ASTN2: variants seen among roughly 807,000 people sequenced by gnomAD.
The protein encoded by ASTN2 is astrotactin-2.
A neutral mutation model predicts 139.8 loss-of-function variants in ASTN2; 54 were observed. The observed-to-expected ratio is 0.39, with a 90% CI of 0.31 to 0.48. ASTN2 has a LOEUF of 0.48. Among genes scored for constraint, ASTN2 ranks in the 20% least tolerant of loss-of-function variants. The probability of loss-of-function intolerance (pLI) is 0.95; values close to 1 mark genes in which losing one functional copy is unlikely to be tolerated. For synonymous variants in ASTN2, 756 were observed against 719.5 expected (o/e 1.05, Z -0.81); for missense variants, 1,565 against 1,725.1 (o/e 0.91, Z 1.64).
At chr9:117,141,058 A>G (rs1830063070) in intron 4 of ASTN2, among the ~76,000 whole-genome samples, 1 of 152,144 alleles carries the variant, frequency 6.6e-6, no homozygotes, top group Non-Finnish European at 1.5e-5. Context: ...GGTGCTACAC[A>G]CTTTCCATAT....
chr9:117,282,627 CG>C (rs1834352767), intron 2 of ASTN2, among the ~76,000 whole-genome samples: 1 of 137,862 alleles, frequency 7.3e-6, no homozygotes, highest in African/African-American at 3.6e-5. Flanking sequence ...GTGCTTTGGC[CG>C]ATAGAATGTG....
At chr9:116,547,386 G>A (rs1390635759) in intron 19 of ASTN2, 1 of 152,188 alleles carries the variant, frequency 6.6e-6, no homozygotes, top group Non-Finnish European at 1.5e-5. Flanking sequence ...CAATTAAACT[G>A]TCTAAAGTCA....
chr9:117,237,328 GC>G (rs1833075192), intron 2 of ASTN2, among the ~76,000 whole-genome samples: 2 of 152,120 alleles, frequency 1.3e-5, no homozygotes, highest in African/African-American at 4.8e-5. Context: ...CTGAGTTCTT[GC>G]CCTCCGGCCC....
Position 117,400,077 on chromosome 9 carries a change from T to C in ASTN2, c.442+14420A>G, listed in dbSNP as rs561383697. ...GCAAACCAGACTGGATGATTTCTCC[T>C]CTCTCTTGGAGTAGCCTATGCAGCC... On this transcript the variant is annotated intron_variant, in intron 1 of 22. Transcript: ENST00000313400. Among the ~76,000 whole-genome samples, 16 of 152,356 alleles carry C rather than the reference T, an allele frequency of 1.1e-4. No individual in the cohort carries two copies. In the South Asian group the frequency reaches 3.1e-3, roughly 30 times the overall value.
At chr9:116,850,813 T>C (rs1832577189) in intron 11 of ASTN2, among the ~76,000 whole-genome samples, 1 of 152,068 alleles carries the variant, frequency 6.6e-6, no homozygotes, top group Non-Finnish European at 1.5e-5. Context: ...GTGCCAAAGA[T>C]TCAAAAGAGA....
chr9:116,766,838 C>A (rs1829823803), intron 13 of ASTN2, among the ~76,000 whole-genome samples: 1 of 151,790 alleles, frequency 6.6e-6, no homozygotes, highest in Admixed American at 6.6e-5. Context: ...AGTCACCTCA[C>A]ACACAAACAC....
At chr9:117,027,821 G>A (rs891069033) in intron 6 of ASTN2, among the ~76,000 whole-genome samples, 1 of 152,152 alleles carries the variant, frequency 6.6e-6, no homozygotes, top group Non-Finnish European at 1.5e-5. Context: ...ATCCCTGTGA[G>A]GGTGTGATTG....
intron 18 of ASTN2, among the ~76,000 whole-genome samples, chr9:116,619,060 T>G (rs941528336): frequency 6.6e-6 from 1 of 152,128 alleles, no homozygotes; most frequent in African/African-American, 2.4e-5. Flanking sequence ...GGAAACAGTT[T>G]GCACAAGGTC....
chr9:117,114,101 C>T (rs1829317321), intron 4 of ASTN2, among the ~76,000 whole-genome samples: 1 of 150,660 alleles, frequency 6.6e-6, no homozygotes, highest in Non-Finnish European at 1.5e-5. Context: ...GGATGAGGTA[C>T]AGAACATTTT....
intron 1 of ASTN2, among the ~76,000 whole-genome samples, chr9:117,298,719 TGTGTG>T (rs1834801971): frequency 6.9e-6 from 1 of 145,102 alleles, no homozygotes; most frequent in Non-Finnish European, 1.5e-5. Context: ...TGTGTGTGTG[TGTGTG>T]TGTGTGTGTA....
intron 13 of ASTN2, among the ~76,000 whole-genome samples, chr9:116,779,504 T>A (rs1334989012): frequency 1.3e-5 from 2 of 149,240 alleles, no homozygotes; most frequent in Non-Finnish European, 1.5e-5. Flanking sequence ...CTCAGATATT[T>A]TTTTTTTTTA....
At chr9:117,328,259 T>C (rs1326432962) in intron 1 of ASTN2, among the ~76,000 whole-genome samples, 1 of 152,090 alleles carries the variant, frequency 6.6e-6, no homozygotes, top group Non-Finnish European at 1.5e-5. Context: ...GTTGCACGCA[T>C]ACACACTAAA....
At position 116,903,482 on chromosome 9, in the gene ASTN2, G is replaced by A. The variant is rs138480458; in HGVS notation, c.1890-39749C>T. 6.9e-3 allele frequency among the ~76,000 whole-genome samples: 1,053 copies of A among 152,270 alleles called. 6 individuals are homozygous for A. Among genetic ancestry groups the A allele is most frequent in the Middle Eastern group, 0.014 (4 of 292 alleles). ...TTGCAATGTGACCTTGAGTGTTAGG[G>A]TCTCTTAAGAAATGGAAATGACCCA... On this transcript the variant is annotated intron_variant, in intron 10 of 22. Coordinates refer to ENST00000313400, the MANE Select transcript of ASTN2 (RefSeq NM_001365068.1).
chr9:116,853,020 C>T (rs762570072), intron 11 of ASTN2, among the ~76,000 whole-genome samples: 2 of 151,818 alleles, frequency 1.3e-5, no homozygotes, highest in East Asian at 1.9e-4. Flanking sequence ...AAAATTGTCC[C>T]GAAGAAACAC....
chr9:116,683,196 A>AT (rs1859995875), intron 16 of ASTN2, among the ~76,000 whole-genome samples: 1 of 151,980 alleles, frequency 6.6e-6, no homozygotes, highest in South Asian at 2.1e-4. Flanking sequence ...CAGGTTTCTG[A>AT]TTAAAAACTC....
intron 1 of ASTN2, among the ~76,000 whole-genome samples, chr9:117,318,588 G>A (rs1489477729): frequency 6.6e-6 from 1 of 152,142 alleles, no homozygotes; most frequent in East Asian, 1.9e-4. Context: ...TGTACACTCT[G>A]AAGAATAAGC....
intron 16 of ASTN2, among the ~76,000 whole-genome samples, chr9:116,669,511 T>C (rs956354243): frequency 6.6e-6 from 1 of 152,244 alleles, no homozygotes; most frequent in Non-Finnish European, 1.5e-5. Flanking sequence ...CTCTGAATCA[T>C]TGTCAGCACT....
chr9:117,336,579 T>C (rs752906058), intron 1 of ASTN2, among the ~76,000 whole-genome samples: 23 of 152,152 alleles, frequency 1.5e-4, no homozygotes, highest in Admixed American at 2.6e-4. Context: ...CTGTGCGTGG[T>C]CTATGCATTC....
chr9:116,438,545 G>A (rs1235272881), intron 22 of ASTN2, among the ~76,000 whole-genome samples: 2 of 151,984 alleles, frequency 1.3e-5, no homozygotes, highest in African/African-American at 2.4e-5. Context: ...GATTTTAGGT[G>A]GTACTCAAGA....
Sources: gnomAD v4.1 joint callset for allele counts (sites outside exome capture counted in the v4.1 genomes callset) on GRCh38, gnomAD v4.1.1 for gene constraint, MANE v1.5 for transcripts, NCBI Gene and HGNC (gene_info 2026-07-23, HGNC 2026-07-21) for gene names.